PKNOX2: variants seen among roughly 807,000 people sequenced by gnomAD.
The protein encoded by PKNOX2 is PBX/knotted 1 homeobox 2, also known as homeobox protein PKNOX2.
In PKNOX2, 14 loss-of-function variants were observed where a neutral mutation model predicts 53.1. The observed-to-expected ratio is 0.26, with a 90% CI of 0.17 to 0.41. The LOEUF is 0.41. Among genes scored for constraint, PKNOX2 ranks in the 10% least tolerant of loss-of-function variants. The probability of loss-of-function intolerance (pLI) is 1.00; values close to 1 mark genes in which losing one functional copy is unlikely to be tolerated. For missense variants in PKNOX2, 496 were observed against 602.8 expected (o/e 0.82, Z 1.85); for synonymous variants, 257 against 242.8 (o/e 1.06, Z -0.54).
intron 1 of PKNOX2, among the ~76,000 whole-genome samples, chr11:125,206,075 C>G (rs1292103476): frequency 6.6e-6 from 1 of 151,908 alleles, no homozygotes; most frequent in Non-Finnish European, 1.5e-5. Flanking sequence ...GAGCTCAGCT[C>G]AGTGCATATT....
At chr11:125,218,290 G>T in intron 1 of PKNOX2, among the ~76,000 whole-genome samples, 1 of 152,044 alleles carries the variant, frequency 6.6e-6, no homozygotes, top group Non-Finnish European at 1.5e-5. Flanking sequence ...CCTTGTCCCT[G>T]CCGTCAAGGA....
chr11:125,246,673 T>A (rs1218045571), intron 2 of PKNOX2, among the ~76,000 whole-genome samples: 2 of 152,186 alleles, frequency 1.3e-5, no homozygotes. Context: ...ATAATAATGA[T>A]CTCACCCCAC....
chr11:125,291,193 G>A (rs1431090204), intron 2 of PKNOX2, among the ~76,000 whole-genome samples: 3 of 152,126 alleles, frequency 2.0e-5, no homozygotes, highest in South Asian at 4.1e-4. Context: ...CACTTTCCTC[G>A]CATGTAAAGT....
At chr11:125,298,242 T>C (rs933901785) in intron 2 of PKNOX2, among the ~76,000 whole-genome samples, 13 of 152,160 alleles carry the variant, frequency 8.5e-5, no homozygotes, top group Admixed American at 4.6e-4. Flanking sequence ...GGGCCTTGCA[T>C]AGGATGCTCT....
chr11:125,209,789 A>G (rs1767068106), intron 1 of PKNOX2, among the ~76,000 whole-genome samples: 1 of 151,988 alleles, frequency 6.6e-6, no homozygotes, highest in Non-Finnish European at 1.5e-5. Flanking sequence ...AGGCCCTGAA[A>G]ATAGAAACGT....
At chr11:125,349,560 A>G (rs921345947) in intron 3 of PKNOX2, among the ~76,000 whole-genome samples, 2 of 151,718 alleles carry the variant, frequency 1.3e-5, no homozygotes, top group African/African-American at 4.8e-5. Flanking sequence ...GCACCGGGGG[A>G]GCCATCCCTC....
At chr11:125,252,239 A>G (rs1212833222) in intron 2 of PKNOX2, among the ~76,000 whole-genome samples, 1 of 152,162 alleles carries the variant, frequency 6.6e-6, no homozygotes, top group Admixed American at 6.5e-5. Flanking sequence ...TTGGCTGATG[A>G]GGTGAAATGC....
rs529335020 is a variant in PKNOX2 at position 125,288,657 on chromosome 11, G to A, written c.-129-43162G>A. 2.4e-3 allele frequency among the ~76,000 whole-genome samples: 363 copies of A among 152,282 alleles called. 1 individual carries two copies. Among genetic ancestry groups the A allele is most frequent in the South Asian group, 9.5e-3 (46 of 4,824 alleles). On this transcript the variant is annotated intron_variant, in intron 2 of 12. Transcript: ENST00000298282. ...CCCTCCTTGGAACTGGCAGAGGCAC[G>A]TCTCCCGTAGGAAGCACTGCTGACC...
chr11:125,269,107 A>C lies in PKNOX2; in HGVS notation c.-130+33992A>C, dbSNP rs547540677. Among the ~76,000 whole-genome samples the C allele has an allele frequency of 5.3e-5, 8 of 152,334 alleles. No homozygotes were observed. In the South Asian group the frequency reaches 1.2e-3, roughly 24 times the overall value. ...GAGATGGGAATTCTTGTAAATTTTT[A>C]ATCTGAAAAATAAAGAAAGTGTGAA... On this transcript the variant is annotated intron_variant, in intron 2 of 12. Transcript: ENST00000298282.
At chr11:125,278,631 A>G (rs1565486317) in intron 2 of PKNOX2, among the ~76,000 whole-genome samples, 1 of 152,052 alleles carries the variant, frequency 6.6e-6, no homozygotes, top group Admixed American at 6.5e-5. Flanking sequence ...AGACCGAGGG[A>G]GGGGCCGACT....
chr11:125,403,359 G>A (rs942410823), intron 7 of PKNOX2, among the ~76,000 whole-genome samples: 6 of 152,142 alleles, frequency 3.9e-5, no homozygotes, highest in Non-Finnish European at 5.9e-5. Context: ...CTGGAGACAC[G>A]CTGGAGACAA....
chr11:125,411,856 G>A lies in PKNOX2; in HGVS notation c.927G>A (p.Gln309=), dbSNP rs751506156. 6.2e-7 allele frequency: 1 copy of A among 1,614,140 alleles called. No individual in the cohort carries two copies. Among genetic ancestry groups the A allele is most frequent in the Non-Finnish European group, 8.5e-7 (1 of 1,180,012 alleles). Residue 309 remains glutamine, a synonymous_variant, in exon 10 of 13, where the codon CAG becomes CAA. Transcript: ENST00000298282. ...ATNIMRSWLF[Q]HLMHPYPTED... is the part of the protein sequence containing the mutation. Reference sequence around the variant, plus strand: ...ATATAATGCGTTCTTGGCTCTTCCAGCATCTCATGGTGAGTGTGTGTGTCT... The same window carrying A: ...ATATAATGCGTTCTTGGCTCTTCCAACATCTCATGGTGAGTGTGTGTGTCT...
intron 10 of PKNOX2, among the ~76,000 whole-genome samples, chr11:125,424,964 C>T (rs1352157406): frequency 6.6e-6 from 1 of 152,140 alleles, no homozygotes; most frequent in East Asian, 1.9e-4. Flanking sequence ...GAGTTGAGGT[C>T]AGATTTCAGC....
intron 1 of PKNOX2, among the ~76,000 whole-genome samples, chr11:125,212,504 G>T (rs1331627037): frequency 6.8e-6 from 1 of 147,432 alleles, no homozygotes; most frequent in Non-Finnish European, 1.5e-5. Flanking sequence ...GCCCAGGGTG[G>T]AGTGCAGCGG....
At chr11:125,401,274 G>A (rs759092747) in intron 7 of PKNOX2, among the ~76,000 whole-genome samples, 6 of 152,170 alleles carry the variant, frequency 3.9e-5, no homozygotes, top group Non-Finnish European at 7.3e-5. Context: ...TACTGAGAAC[G>A]ACGGGGCAGA....
intron 1 of PKNOX2, among the ~76,000 whole-genome samples, chr11:125,220,707 T>C (rs1158806416): frequency 6.6e-6 from 1 of 152,162 alleles, no homozygotes. Flanking sequence ...TATTTCTCCA[T>C]CCATCCATCC....
At chr11:125,213,704 C>T (rs1009464481) in intron 1 of PKNOX2, among the ~76,000 whole-genome samples, 3 of 152,104 alleles carry the variant, frequency 2.0e-5, no homozygotes, top group African/African-American at 4.8e-5. Flanking sequence ...GTGATCTGCC[C>T]GCCATGGCCT....
intron 1 of PKNOX2, among the ~76,000 whole-genome samples, chr11:125,168,605 A>G (rs1025477026): frequency 6.6e-6 from 1 of 152,160 alleles, no homozygotes; most frequent in Non-Finnish European, 1.5e-5. Flanking sequence ...TCTTTCTGCC[A>G]TGTCCATCTT....
At chr11:125,338,460 C>T (rs1307042299) in intron 3 of PKNOX2, among the ~76,000 whole-genome samples, 1 of 152,194 alleles carries the variant, frequency 6.6e-6, no homozygotes, top group Non-Finnish European at 1.5e-5. Flanking sequence ...CCCAGGCAAA[C>T]TTGTGCCCTT....
Sources: gnomAD v4.1 joint callset for allele counts (sites outside exome capture counted in the v4.1 genomes callset) on GRCh38, gnomAD v4.1.1 for gene constraint, MANE v1.5 for transcripts, NCBI Gene and HGNC (gene_info 2026-07-23, HGNC 2026-07-21) for gene names.